Variants in ANPEP observed in about 807,000 individuals in gnomAD.
The protein encoded by ANPEP is aminopeptidase N.
Under a neutral mutation model 114.6 loss-of-function variants are expected in ANPEP, and 70 were observed. The ratio of observed to expected loss-of-function variants is 0.61; its 90% CI spans 0.50 to 0.75. The LOEUF (loss-of-function observed/expected upper bound fraction) is 0.75. Among genes scored for constraint, ANPEP ranks in the 30% least tolerant of loss-of-function variants. The pLI is 0.00. For missense variants in ANPEP, 1,184 were observed against 1,259.5 expected, an observed-to-expected ratio of 0.94 and a Z score of 0.91; for synonymous variants, 548 against 522.3, an observed-to-expected ratio of 1.05 and a Z score of -0.67.
Position 89,806,599 on chromosome 15 carries a change from G to A in ANPEP, c.-16C>T. On this transcript the variant is annotated 5_prime_UTR_variant, in exon 2 of 21. Coordinates refer to ENST00000300060, the MANE Select transcript of ANPEP (RefSeq NM_001150.3). The surrounding 1 kb of genome is among the most constrained non-coding windows in gnomAD (Gnocchi z 5.7). ...CCTTGGCCATGGTGATGGTGGGGAG[G>A]CGGCTCAGGGAGCCTCAGGCCAGGC... is the stretch of plus-strand genomic sequence containing the variant. 2 of 1,567,004 alleles carry A rather than the reference G, an allele frequency of 1.3e-6. No homozygotes were observed. The highest frequency in any genetic ancestry group is 1.3e-5 in the African/African-American group (1 of 74,162).
rs781212553 is a variant in ANPEP at position 89,803,664 on chromosome 15, C to T, written c.1420G>A (p.Ala474Thr). The change falls in exon 8 of 21, where the codon GCC becomes ACC. Residue 474 changes from alanine to threonine, a missense_variant. Physicochemically the swap from Ala to Thr is moderately conservative, Grantham distance 58 (BLOSUM62 0). Coordinates refer to ENST00000300060, the MANE Select transcript of ANPEP (RefSeq NM_001150.3). The surrounding 1 kb of genome is among the most constrained non-coding windows in gnomAD (Gnocchi z 4.2). ...TPAQISELFD[A>T]ISYSKGASVL... Reference sequence around the variant, plus strand: ...GGCTGCACCTTGCTGTAGGAGATGGCGTCAAACAGCTCACTGATCTGGGCC... The same window carrying T: ...GGCTGCACCTTGCTGTAGGAGATGGTGTCAAACAGCTCACTGATCTGGGCC... 8.1e-6 allele frequency: 13 copies of T among 1,612,196 alleles called. No individual in the cohort carries two copies. Among genetic ancestry groups the T allele is most frequent in the South Asian group, 5.5e-5 (5 of 90,972 alleles).
At chr15:89,805,882 GC>G in intron 2 of ANPEP, 87 bp downstream of exon 2, 1 of 1,503,826 alleles carries the variant, frequency 6.6e-7, no homozygotes. Flanking sequence ...TCAAAGGCCT[GC>G]AAGCTAAGTC....
rs75975765 is a variant in ANPEP, at chr15:89,813,998, G to C, written c.-224+774C>G. Reference sequence around the variant, plus strand: ...CCCTGCCCACCGCACTGCTGGGGGGGGGGGGTGCGTTCTGGAGTCATTTGG... The same window carrying C: ...CCCTGCCCACCGCACTGCTGGGGGGCGGGGGTGCGTTCTGGAGTCATTTGG... On this transcript the variant is annotated intron_variant, in intron 1 of 20. Transcript: ENST00000300060. 8.5e-3 allele frequency among the ~76,000 whole-genome samples: 1,275 copies of C among 149,182 alleles called. 42 individuals are homozygous for C. Among genetic ancestry groups the C allele is most frequent in the East Asian group, 0.033 (158 of 4,844 alleles).
At position 89,799,139 on chromosome 15, in the gene ANPEP, G is replaced by T; in HGVS notation, c.2009+121C>A. The T allele has an allele frequency of 8.8e-7, 1 of 1,142,030 alleles. No individual in the cohort carries two copies. The highest frequency in any genetic ancestry group is 1.3e-6 in the Non-Finnish European group (1 of 773,758). 70.7% of individuals were successfully genotyped at this position (1,142,030 alleles called of 1,614,324 possible). ...GGAGGGACGTCCAGGGAGCACAGGA[G>T]CTCAGGGCACAGCACGTGGCATATG... On this transcript the variant is annotated intron_variant, in intron 14 of 20. Transcript: ENST00000300060. The surrounding 1 kb of genome is among the most constrained non-coding windows in gnomAD (Gnocchi z 4.2).
At position 89,801,603 on chromosome 15, in the gene ANPEP, A is replaced by G. The variant is rs373716144; in HGVS notation, c.1574T>C (p.Val525Ala). ...GGGGAGTTGGATGGACCGGTTGTTC[A>G]CAGCCTGTGGGTGGAGCGAGAGGGC... ...LNLWDHLQEA[V>A]NNRSIQLPTT... The change falls in exon 11 of 21, where the codon GTG (valine) becomes GCG (alanine). Residue 525 changes from valine to alanine, a missense_variant. By Grantham distance (64) the Val-to-Ala change is moderately conservative. Transcript: ENST00000300060. 1 of 1,613,564 alleles carries G rather than the reference A, an allele frequency of 6.2e-7. No individual in the cohort carries two copies. Among genetic ancestry groups the G allele is most frequent in the African/African-American group, 1.3e-5 (1 of 74,916 alleles).
Position 89,801,182 on chromosome 15 carries a change from A to G in ANPEP, c.1748T>C (p.Val583Ala), listed in dbSNP as rs758683332. ...NVTRPSEFNY[V>A]WIVPITSIRD... ...GATGGATGTGATGGGCACAATCCAC[A>G]CGTAGCTGCAATTAAAGATCCAGAG... The change falls in exon 12 of 21, where the codon GTG becomes GCG. Residue 583 changes from valine to alanine, a missense_variant. By Grantham distance (64) the Val-to-Ala change is moderately conservative (BLOSUM62 0). Transcript: ENST00000300060. The G allele has an allele frequency of 2.8e-5, 45 of 1,613,970 alleles. No homozygotes were observed. The highest frequency in any genetic ancestry group is 5.0e-5 in the Admixed American group (3 of 60,004).
At chr15:89,802,961 C>T (rs2141806369) in intron 10 of ANPEP, among the ~76,000 whole-genome samples, 1 of 152,200 alleles carries the variant, frequency 6.6e-6, no homozygotes, top group South Asian at 2.1e-4. Flanking sequence ...GCAGTTTCCT[C>T]ACCACCAGGA....
chr15:89,811,454 G>A (rs948746027), intron 1 of ANPEP, among the ~76,000 whole-genome samples: 3 of 151,910 alleles, frequency 2.0e-5, no homozygotes, highest in Admixed American at 1.3e-4. Flanking sequence ...AGACCATCCT[G>A]GCTAACACGG....
intron 1 of ANPEP, among the ~76,000 whole-genome samples, chr15:89,809,308 A>G (rs145644513): frequency 1.3e-3 from 199 of 152,294 alleles, no homozygotes; most frequent in African/African-American, 4.6e-3. Context: ...CCTTTGCAGC[A>G]GAAAGACCCA....
chr15:89,804,585 C>T lies in ANPEP; in HGVS notation c.930G>A (p.Ala310=), dbSNP rs747637523. 3.2e-5 allele frequency: 52 copies of T among 1,613,908 alleles called. No homozygotes were observed. Among genetic ancestry groups the T allele is most frequent in the East Asian group, 1.1e-4 (5 of 44,884 alleles). The stretch of plus-strand genomic sequence containing the variant: ...TCAGGGCATAATCGCCGTGGCCCGC[C>T]GCAATGGCACTGGGCCGGGCCCAGA... The part of the protein sequence containing the change: ...IRIWARPSAI[A]AGHGDYALNV... Residue 310 remains alanine, a synonymous_variant, in exon 5 of 21, where the codon GCG becomes GCA. Transcript: ENST00000300060.
intron 10 of ANPEP, 86 bp from the exon 11 acceptor site, chr15:89,801,693 A>C: frequency 6.7e-7 from 1 of 1,483,878 alleles, no homozygotes; most frequent in Non-Finnish European, 9.1e-7. Context: ...TCTCGCCTCG[A>C]CCCCGGGGGG....
At chr15:89,788,918 C>G (rs1443396522) in intron 20 of ANPEP, among the ~76,000 whole-genome samples, 1 of 151,992 alleles carries the variant, frequency 6.6e-6, no homozygotes. Context: ...CCCCACCCAC[C>G]CTACCTTGTT....
chr15:89,800,032 T>C (rs560272105), intron 12 of ANPEP, among the ~76,000 whole-genome samples: 1 of 152,180 alleles, frequency 6.6e-6, no homozygotes, highest in East Asian at 1.9e-4. Context: ...TCTCATACTT[T>C]GTTTCAGCAG....
intron 10 of ANPEP, chr15:89,802,805 G>A (rs117452123): frequency 1.0e-5 from 2 of 196,004 alleles, no homozygotes; most frequent in South Asian, 8.6e-5. Flanking sequence ...CGGGGCAGGG[G>A]CAGAGGGCAG....
Position 89,799,498 on chromosome 15 carries a change from C to A in ANPEP, c.1881G>T (p.Thr627=), listed in dbSNP as rs756763469. The change falls in exon 13 of 21, where the codon ACG becomes ACT. Residue 627 remains threonine (T), a synonymous_variant. Transcript: ENST00000300060. The surrounding 1 kb of genome is among the most constrained non-coding windows in gnomAD (Gnocchi z 4.2). The part of the protein sequence containing the change: ...NEWVLLNLNV[T]GYYRVNYDEE... ...CGTCGTAGTTCACCCGGTAATAGCC[C>A]GTCACATTGAGGTTCAGCAGGACCC... The A allele has an allele frequency of 1.2e-6, 2 of 1,614,146 alleles. No homozygotes were observed. The highest frequency in any genetic ancestry group is 1.3e-5 in the African/African-American group (1 of 75,004).
At chr15:89,796,188 C>G (rs1968722718) in intron 15 of ANPEP, among the ~76,000 whole-genome samples, 1 of 152,220 alleles carries the variant, frequency 6.6e-6, no homozygotes, top group African/African-American at 2.4e-5. Flanking sequence ...TGCACTCCAG[C>G]TTGGGCAAGA....
Position 89,814,758 on chromosome 15 carries a change from C to G in ANPEP, c.-224+14G>C, listed in dbSNP as rs1894877932. ...TACCCGCGCCCGCAGCCCCCGCCCT[C>G]CCGCCCCACTTGCCTGGGCCGCCGG... is the stretch of plus-strand genomic sequence containing the variant. On this transcript the variant is annotated intron_variant, in intron 1 of 20. Coordinates refer to ENST00000300060, the MANE Select transcript of ANPEP (RefSeq NM_001150.3). 6.6e-6 allele frequency: 1 copy of G among 152,506 alleles called. No homozygotes were observed. The highest frequency in any genetic ancestry group is 6.5e-5 in the Admixed American group (1 of 15,276). The allele number at this position is 152,506 out of a possible 1,614,324, so 9.4% of individuals were successfully genotyped here. A position where few individuals can be genotyped will look rare whatever the true frequency, so the allele number is the denominator to read the frequency against.
intron 14 of ANPEP, among the ~76,000 whole-genome samples, chr15:89,798,766 C>T (rs1894525253): frequency 6.6e-6 from 1 of 151,840 alleles, no homozygotes; most frequent in Non-Finnish European, 1.5e-5. Flanking sequence ...ATGGTGAAAC[C>T]CCATCTCTAC....
At chr15:89,801,329 C>T (rs1894584979) in intron 11 of ANPEP, 106 bp downstream of exon 11, 5 of 1,550,340 alleles carry the variant, frequency 3.2e-6, no homozygotes, top group Middle Eastern at 1.8e-4. Context: ...GGTCTGTCTA[C>T]AGTGGCTGGG....
Sources: gnomAD v4.1 joint callset for allele counts (sites outside exome capture counted in the v4.1 genomes callset) on GRCh38, gnomAD v4.1.1 for gene constraint, Gnocchi (gnomAD v3.1) non-coding constraint, MANE v1.5 for transcripts, NCBI Gene and HGNC (gene_info 2026-07-23, HGNC 2026-07-21) for gene names.